The following GPR158 variants were observed in gnomAD, a reference collection of about 807,000 sequenced individuals.
The protein encoded by GPR158 is metabotropic glycine receptor.
In GPR158, 30 loss-of-function variants were observed where a neutral mutation model predicts 78.2. The ratio of observed to expected loss-of-function variants is 0.38; its 90% confidence interval spans 0.29 to 0.52. The LOEUF (loss-of-function observed/expected upper bound fraction) is 0.52, where lower values mean the gene tolerates loss of function less well. GPR158 is among the 20% of genes least tolerant of loss of function. GPR158 has a pLI of 0.83. For synonymous variants in GPR158, 581 were observed against 591.1 expected (o/e 0.98, Z 0.25); for missense variants, 1,463 against 1,523.5 (o/e 0.96, Z 0.66).
At chr10:25,416,155 A>G (rs974010374) in intron 4 of GPR158, among the ~76,000 whole-genome samples, 1 of 152,110 alleles carries the variant, frequency 6.6e-6, no homozygotes, top group Admixed American at 6.6e-5. Context: ...TTTGTAACAT[A>G]ATTTTGGACC....
chr10:25,319,638 A>G (rs1222708011), intron 2 of GPR158, among the ~76,000 whole-genome samples: 1 of 152,226 alleles, frequency 6.6e-6, no homozygotes, highest in Non-Finnish European at 1.5e-5. Flanking sequence ...TATCTAAAAC[A>G]TAAAAGAACA....
intron 1 of GPR158, among the ~76,000 whole-genome samples, chr10:25,187,116 C>A (rs1852700223): frequency 1.3e-5 from 2 of 151,968 alleles, no homozygotes; most frequent in African/African-American, 4.8e-5. Flanking sequence ...AGGCGCCCGC[C>A]ATCACGCCCG....
intron 2 of GPR158, among the ~76,000 whole-genome samples, chr10:25,374,484 G>A (rs757451208): frequency 2.6e-5 from 4 of 151,574 alleles, no homozygotes; most frequent in Non-Finnish European, 4.4e-5. Context: ...ACAAATGTAG[G>A]TTTGTATAAC....
At chr10:25,450,867 A>G (rs1588870427) in intron 4 of GPR158, among the ~76,000 whole-genome samples, 1 of 152,226 alleles carries the variant, frequency 6.6e-6, no homozygotes, top group Non-Finnish European at 1.5e-5. Context: ...CAAATCTGCC[A>G]TCAAGAGTTA....
intron 5 of GPR158, among the ~76,000 whole-genome samples, chr10:25,516,961 C>T (rs887723595): frequency 8.7e-5 from 13 of 148,584 alleles, no homozygotes; most frequent in Non-Finnish European, 5.9e-5. Context: ...TTACCTTGGG[C>T]AGTATGGCCA....
chr10:25,324,702 G>C (rs529398955), intron 2 of GPR158, among the ~76,000 whole-genome samples: 1 of 152,106 alleles, frequency 6.6e-6, no homozygotes, highest in Non-Finnish European at 1.5e-5. Context: ...TGCAGTATCT[G>C]TGAAGCACAA....
At chr10:25,367,022 CTA>C (rs1209594090) in intron 2 of GPR158, among the ~76,000 whole-genome samples, 1 of 151,536 alleles carries the variant, frequency 6.6e-6, no homozygotes, top group Non-Finnish European at 1.5e-5. Context: ...TATAAATTGT[CTA>C]TTGATCAAAA....
intron 5 of GPR158, among the ~76,000 whole-genome samples, chr10:25,532,007 C>T (rs1384387610): frequency 6.6e-6 from 1 of 152,090 alleles, no homozygotes; most frequent in Non-Finnish European, 1.5e-5. Flanking sequence ...GAAATGGTGA[C>T]TTCTTCACAG....
intron 4 of GPR158, among the ~76,000 whole-genome samples, chr10:25,419,241 TATA>T (rs1231444311): frequency 6.6e-6 from 1 of 152,334 alleles, no homozygotes; most frequent in East Asian, 1.9e-4. Context: ...AGTGGAATCG[TATA>T]ATATTTATTC....
At chr10:25,382,732 G>C (rs1445732784) in intron 2 of GPR158, among the ~76,000 whole-genome samples, 4 of 152,196 alleles carry the variant, frequency 2.6e-5, no homozygotes, top group African/African-American at 9.6e-5. Flanking sequence ...TGGGAAAGAG[G>C]CTACTGAATG....
At chr10:25,305,621 G>A (rs954080690) in intron 2 of GPR158, among the ~76,000 whole-genome samples, 1 of 152,116 alleles carries the variant, frequency 6.6e-6, no homozygotes, top group Non-Finnish European at 1.5e-5. Flanking sequence ...AAGAAGGAGA[G>A]AGAGGGGTCC....
At chr10:25,198,705 A>G (rs1322724320) in intron 1 of GPR158, among the ~76,000 whole-genome samples, 1 of 152,158 alleles carries the variant, frequency 6.6e-6, no homozygotes, top group Non-Finnish European at 1.5e-5. Flanking sequence ...AGGCAAAAAT[A>G]AATTTATTAT....
chr10:25,488,065 G>T lies in GPR158; in HGVS notation c.1404+21346G>T, dbSNP rs182931756. 4.1e-4 allele frequency among the ~76,000 whole-genome samples: 62 copies of T among 152,250 alleles called. No individual in the cohort carries two copies. The East Asian group carries it at 8.5e-3, about 21-fold the overall frequency. On this transcript the variant is annotated intron_variant, in intron 5 of 10. Transcript: ENST00000376351. Reference sequence around the variant, plus strand: ...AACATAGGAAGAGAAGCTTTAAAAGGCTAAATTTTTTTCTTTCTTTCTCCC... The same window carrying T: ...AACATAGGAAGAGAAGCTTTAAAAGTCTAAATTTTTTTCTTTCTTTCTCCC...
intron 2 of GPR158, among the ~76,000 whole-genome samples, chr10:25,319,092 C>T (rs980600962): frequency 6.6e-6 from 1 of 152,184 alleles, no homozygotes; most frequent in African/African-American, 2.4e-5. Flanking sequence ...GGGAACTAAG[C>T]TGTATATAGT....
At position 25,241,331 on chromosome 10, in the gene GPR158, C is replaced by CTTCTCTTCTCTTCTCTTCTCTTCTCTT. The variant is rs774956418; in HGVS notation, c.1008+20181_1008+20182insCTCTTCTCTTCTCTTCTCTTTTCTCTT. Among the ~76,000 whole-genome samples the CTTCTCTTCTCTTCTCTTCTCTTCTCTT allele has an allele frequency of 2.1e-3, 256 of 123,758 alleles. 14 individuals carry two copies. Among genetic ancestry groups the CTTCTCTTCTCTTCTCTTCTCTTCTCTT allele is most frequent in the African/African-American group, 8.3e-3 (227 of 27,288 alleles). The allele number at this position is 123,758 out of a possible 152,430, so 81.2% of individuals were successfully genotyped here. ...TTTCTTTTCTCTTCTCTTCTCTTCTCTTCTCTTTTCTCTTTTCTCTTTTCT... is the reference window on the plus strand; with the variant it reads ...TTTCTTTTCTCTTCTCTTCTCTTCTCTTCTCTTCTCTTCTCTTCTCTTCTCTTTTCTCTTTTCTCTTTTCTCTTTTCT... On this transcript the variant is annotated intron_variant, in intron 2 of 10. Transcript: ENST00000376351.
At chr10:25,221,744 A>G (rs980590620) in intron 2 of GPR158, among the ~76,000 whole-genome samples, 2 of 152,200 alleles carry the variant, frequency 1.3e-5, no homozygotes, top group Admixed American at 1.3e-4. Flanking sequence ...AAATAAGACT[A>G]TCACTTGTCT....
chr10:25,204,068 A>G (rs1010062456), intron 1 of GPR158, among the ~76,000 whole-genome samples: 2 of 152,012 alleles, frequency 1.3e-5, no homozygotes, highest in Non-Finnish European at 2.9e-5. Flanking sequence ...TCTTATTGGT[A>G]TATAGGAATG....
intron 4 of GPR158, among the ~76,000 whole-genome samples, chr10:25,465,007 C>A (rs528254739): frequency 4.7e-4 from 72 of 152,232 alleles, no homozygotes; most frequent in African/African-American, 1.6e-3. Flanking sequence ...TTCTCTATTC[C>A]CAAATTCTTA....
chr10:25,201,228 T>C (rs1434347128), intron 1 of GPR158, among the ~76,000 whole-genome samples: 1 of 152,162 alleles, frequency 6.6e-6, no homozygotes, highest in Admixed American at 6.6e-5. Flanking sequence ...CCTCCCTGGT[T>C]AGGTGTATTC....
Sources: allele counts gnomAD v4.1 joint callset (sites outside exome capture counted in the v4.1 genomes callset), GRCh38; gene constraint gnomAD v4.1.1; transcripts MANE v1.5; gene names NCBI Gene and HGNC (gene_info 2026-07-23, HGNC 2026-07-21).